Variants in CDK15 observed in about 807,000 individuals in gnomAD.
The protein encoded by CDK15 is cyclin dependent kinase 15, also known as cyclin-dependent kinase 15.
A neutral mutation model predicts 60.3 loss-of-function variants in CDK15; 62 were observed. The observed-to-expected ratio is 1.03, with a 90% CI of 0.84 to 1.27. CDK15 has a LOEUF of 1.27. Ranked by LOEUF, CDK15 falls within the 50% of genes most tolerant of loss-of-function variation. CDK15 has a pLI of 0.00. For missense variants in CDK15, 541 were observed against 527.8 expected (o/e 1.03, Z -0.25); for synonymous variants, 194 against 195.7 (o/e 0.99, Z 0.07).
rs908275049 is a variant in CDK15, at chr2:201,882,216, T to TGTGTGTGA, written c.1198+2050_1198+2051insTGTGTGAG. Among the ~76,000 whole-genome samples, 10 of 151,348 alleles carry TGTGTGTGA rather than the reference T, an allele frequency of 6.6e-5. No individual in the cohort carries two copies. Among genetic ancestry groups the TGTGTGTGA allele is most frequent in the African/African-American group, 2.4e-4 (10 of 41,122 alleles). ...GTGTGCGTATGTGTGTGTGTGTGTG[T>TGTGTGTGA]GAGAGAGAGACAGAGAGAACAATCT... On this transcript the variant is annotated intron_variant, in intron 12 of 13. Coordinates refer to ENST00000652192, the MANE Select transcript of CDK15 (RefSeq NM_001366386.2). The surrounding 1 kb of genome is among the most constrained non-coding windows in gnomAD (Gnocchi z 4.0).
At chr2:201,850,305 T>C (rs770339913) in intron 9 of CDK15, among the ~76,000 whole-genome samples, 17 of 152,138 alleles carry the variant, frequency 1.1e-4, no homozygotes, top group Non-Finnish European at 1.9e-4. Flanking sequence ...AAATATGACA[T>C]ACTATCTTTG....
At position 201,885,224 on chromosome 2, in the gene CDK15, G is replaced by A. The variant is rs1264600139; in HGVS notation, c.1198+5057G>A. 5.9e-5 allele frequency among the ~76,000 whole-genome samples: 9 copies of A among 152,268 alleles called. No individual in the cohort carries two copies. The South Asian group carries it at 8.3e-4, about 14-fold the overall frequency. ...ACATTCTTTAACATGTACTAATCAA[G>A]CTTAGTTTCACTCTGAATGCTTCCA... is the stretch of plus-strand genomic sequence containing the variant. On this transcript the variant is annotated intron_variant, in intron 12 of 13. Transcript: ENST00000652192.
In CDK15 at chr2:201,832,261, G is replaced by C. The variant is rs547341909; in HGVS notation, c.607-1587G>C. On this transcript the variant is annotated intron_variant, in intron 6 of 13. Transcript: ENST00000652192. ...GAGTTTCACCACATTGGCCAGGCTG[G>C]TCTCGAACTCCTGACCTCAGGTGAT... Among the ~76,000 whole-genome samples, 73 of 152,228 alleles carry C rather than the reference G, an allele frequency of 4.8e-4. No homozygotes were observed. The South Asian group carries it at 8.8e-3, about 18-fold the overall frequency.
At chr2:201,863,508 C>T (rs552441485) in intron 10 of CDK15, among the ~76,000 whole-genome samples, 1 of 152,162 alleles carries the variant, frequency 6.6e-6, no homozygotes, top group Non-Finnish European at 1.5e-5. Context: ...AAACCAGAGC[C>T]TCCTTCTCCA....
Position 201,833,793 on chromosome 2 carries a change from G to A in CDK15, c.607-55G>A, listed in dbSNP as rs150289237. On this transcript the variant is annotated intron_variant, in intron 6 of 13. Coordinates refer to ENST00000652192, the MANE Select transcript of CDK15 (RefSeq NM_001366386.2). ...AGATGACTGTTTTTGATTTAGAGGC[G>A]AAATCAGCACGTGGTGGCTCAAATC... 6.8e-3 allele frequency: 10,447 copies of A among 1,542,614 alleles called. 57 individuals are homozygous for A. The highest frequency in any genetic ancestry group is 8.4e-3 in the Non-Finnish European group (9,529 of 1,138,544).
At chr2:201,859,579 G>A (rs1301221799) in intron 10 of CDK15, among the ~76,000 whole-genome samples, 1 of 152,138 alleles carries the variant, frequency 6.6e-6, no homozygotes, top group Non-Finnish European at 1.5e-5. Flanking sequence ...GTAGTCATAA[G>A]CACCCCCAAA....
chr2:201,829,084 G>A (rs892679870), intron 6 of CDK15, among the ~76,000 whole-genome samples: 2 of 152,100 alleles, frequency 1.3e-5, no homozygotes, highest in African/African-American at 4.8e-5. Context: ...TATATCAGGC[G>A]CCATTAAATG....
At chr2:201,873,012 A>C (rs1233376156) in intron 11 of CDK15, among the ~76,000 whole-genome samples, 1 of 152,198 alleles carries the variant, frequency 6.6e-6, no homozygotes, top group African/African-American at 2.4e-5. Context: ...ACGAGCTCAA[A>C]TGTCAGAGAA....
At chr2:201,891,712 A>G (rs568920397) in intron 13 of CDK15, among the ~76,000 whole-genome samples, 2 of 152,314 alleles carry the variant, frequency 1.3e-5, no homozygotes, top group Admixed American at 1.3e-4. Flanking sequence ...AGATGTCTCA[A>G]GAGCACTTCC....
rs774174305 is a variant in CDK15 at position 201,835,756 on chromosome 2, G to A, written c.844G>A (p.Asp282Asn). 3 of 1,589,882 alleles carry A rather than the reference G, an allele frequency of 1.9e-6. No homozygotes were observed. The highest frequency in any genetic ancestry group is 2.6e-6 in the Non-Finnish European group (3 of 1,164,088). ...AGCCACTGAATATTCCTCTGAGCTGGACATATGGTAAGAGTGGTGCCGAGA... is the reference window on the plus strand; with the variant it reads ...AGCCACTGAATATTCCTCTGAGCTGAACATATGGTAAGAGTGGTGCCGAGA... ...LGATEYSSEL[D>N]IWGAGCIFIE... Residue 282 changes from aspartate to asparagine, a missense_variant, in exon 8 of 14, where the codon GAC becomes AAC. Coordinates refer to ENST00000652192, the MANE Select transcript of CDK15 (RefSeq NM_001366386.2).
At chr2:201,851,873 G>A (rs1697926473) in intron 9 of CDK15, among the ~76,000 whole-genome samples, 1 of 152,126 alleles carries the variant, frequency 6.6e-6, no homozygotes, top group Non-Finnish European at 1.5e-5. Flanking sequence ...TAGCCAGGCT[G>A]ATCTCGAACT....
intron 6 of CDK15, among the ~76,000 whole-genome samples, chr2:201,831,649 G>A (rs1696756140): frequency 6.6e-6 from 1 of 152,192 alleles, no homozygotes; most frequent in African/African-American, 2.4e-5. Context: ...ATCTGGCAGA[G>A]AGGAAAGGGG....
intron 4 of CDK15, among the ~76,000 whole-genome samples, chr2:201,821,055 A>C (rs1400296985): frequency 6.6e-6 from 1 of 152,152 alleles, no homozygotes; most frequent in African/African-American, 2.4e-5. Flanking sequence ...CTCATTACCC[A>C]ACACTGGTTT....
intron 10 of CDK15, among the ~76,000 whole-genome samples, chr2:201,871,344 T>C (rs1215070276): frequency 6.6e-6 from 1 of 151,970 alleles, no homozygotes; most frequent in Non-Finnish European, 1.5e-5. Context: ...GGGACAGGTC[T>C]CACTATGTTG....
At chr2:201,856,403 C>T (rs1698145765) in intron 10 of CDK15, among the ~76,000 whole-genome samples, 1 of 152,178 alleles carries the variant, frequency 6.6e-6, no homozygotes, top group Non-Finnish European at 1.5e-5. Context: ...ATATCTATTG[C>T]TAAAAGGCCT....
chr2:201,855,388 ATACT>A (rs1291502678), intron 10 of CDK15, among the ~76,000 whole-genome samples: 1 of 152,224 alleles, frequency 6.6e-6, no homozygotes, highest in Admixed American at 6.5e-5. Flanking sequence ...TCTGTAGGTT[ATACT>A]TACTAAGAGT....
At chr2:201,818,332 CTT>C (rs1192494571) in intron 4 of CDK15, among the ~76,000 whole-genome samples, 1 of 152,100 alleles carries the variant, frequency 6.6e-6, no homozygotes, top group East Asian at 1.9e-4. Flanking sequence ...ACTTTTGTGT[CTT>C]TTCTTTGAAG....
At chr2:201,817,399 CA>C (rs1469137851) in intron 4 of CDK15, among the ~76,000 whole-genome samples, 2 of 152,066 alleles carry the variant, frequency 1.3e-5, no homozygotes, top group East Asian at 3.8e-4. Context: ...GCAATTTTTT[CA>C]TATGTTTGTT....
rs1198045711 is a variant in CDK15 at position 201,893,722 on chromosome 2, T to C, written c.*455T>C. On this transcript the variant is annotated 3_prime_UTR_variant, in exon 14 of 14. Transcript: ENST00000652192. ...CTTACAATTTCTCCCAACAAAAGGA[T>C]TTCTGTGGCAAGGAGAAAACTAGCC... 1 of 152,138 alleles carries C rather than the reference T, an allele frequency of 6.6e-6. No homozygotes were observed. Among genetic ancestry groups the C allele is most frequent in the East Asian group, 1.9e-4 (1 of 5,188 alleles). The allele number at this position is 152,138 out of a possible 1,614,324, so 9.4% of individuals were successfully genotyped here.
Sources: allele counts gnomAD v4.1 joint callset (sites outside exome capture counted in the v4.1 genomes callset), GRCh38; gene constraint gnomAD v4.1.1; non-coding constraint Gnocchi (gnomAD v3.1); transcripts MANE v1.5; gene names NCBI Gene and HGNC (gene_info 2026-07-23, HGNC 2026-07-21).